The following DMTN variants were observed in gnomAD, a reference collection of about 807,000 sequenced individuals.
The protein encoded by DMTN is dematin actin binding protein.
DMTN carries 27 observed loss-of-function variants against 59.4 expected under a neutral mutation model. The observed-to-expected ratio is 0.45, with a 90% CI of 0.33 to 0.63. The LOEUF (loss-of-function observed/expected upper bound fraction) is 0.63, where lower values mean the gene tolerates loss of function less well. DMTN is among the 20% of genes least tolerant of loss of function. DMTN has a pLI of 0.02. For missense variants in DMTN, 451 were observed against 528.9 expected (o/e 0.85, Z 1.45); for synonymous variants, 221 against 203.7 (o/e 1.08, Z -0.72).
At chr8:22,068,105 G>A (rs1812272472) in intron 4 of DMTN, among the ~76,000 whole-genome samples, 1 of 152,214 alleles carries the variant, frequency 6.6e-6, no homozygotes, top group African/African-American at 2.4e-5. Context: ...GTGCAAGGCA[G>A]GTACTCATCA....
Position 22,063,986 on chromosome 8 carries a change from T to G in DMTN, c.-171-2719T>G, listed in dbSNP as rs112532677. ...TTGCAGAATAGGTGCTCAGAAAGTATTTGTTGAATGGATGAATAAAACAAT... is the reference window on the plus strand; with the variant it reads ...TTGCAGAATAGGTGCTCAGAAAGTAGTTGTTGAATGGATGAATAAAACAAT... On this transcript the variant is annotated intron_variant, in intron 1 of 15. Transcript: ENST00000358242. Among the ~76,000 whole-genome samples, 130 of 152,318 alleles carry G rather than the reference T, an allele frequency of 8.5e-4. 1 individual carries two copies. The highest frequency in any genetic ancestry group is 3.4e-3 in the Middle Eastern group (1 of 294).
intron 2 of DMTN, 88 bp from the exon 3 acceptor site, chr8:22,066,997 G>T (rs551654326): frequency 3.4e-4 from 442 of 1,292,082 alleles, no homozygotes; most frequent in Non-Finnish European, 3.1e-4. Context: ...GCCGCGCAGC[G>T]CCCCGGGTCC....
At chr8:22,049,356 A>T (rs1285750048), upstream of DMTN, 1 of 133,500 alleles carries the variant, frequency 7.5e-6, no homozygotes, top group Non-Finnish European at 1.6e-5. Flanking sequence ...TCTCAATTAG[A>T]GGCAGCGGCC....
chr8:22,053,546 G>C (rs1000221634), upstream of DMTN: 3 of 152,516 alleles, frequency 2.0e-5, no homozygotes, highest in African/African-American at 7.2e-5. Context: ...GGGGGCACTG[G>C]AGTGAGACAG....
upstream of DMTN, among the ~76,000 whole-genome samples, chr8:22,052,074 A>G (rs75026812): frequency 6.6e-6 from 1 of 152,124 alleles, no homozygotes; most frequent in Non-Finnish European, 1.5e-5. Flanking sequence ...ACACACACAC[A>G]CACCCAGACC....
chr8:22,072,268 A>C (rs929549629), intron 8 of DMTN, 58 bp from the exon 9 acceptor site: 9 of 1,547,732 alleles, frequency 5.8e-6, no homozygotes, highest in Non-Finnish European at 7.0e-6. Context: ...GTGCCATGTA[A>C]ACACACACTG....
upstream of DMTN, among the ~76,000 whole-genome samples, chr8:22,051,962 CA>C (rs1314545394): frequency 1.3e-5 from 2 of 152,246 alleles, no homozygotes; most frequent in Non-Finnish European, 2.9e-5. Flanking sequence ...CCTAGCCCCA[CA>C]ACTCCCCTTT....
At position 22,072,293 on chromosome 8, in the gene DMTN, G is replaced by T; in HGVS notation, c.605-33G>T. On this transcript the variant is annotated intron_variant, in intron 8 of 15. Transcript: ENST00000358242. ...AACACACACTGACCCCATGGCGAGT[G>T]ACTCCCTCCCCACCTTTGCTTGTGT... 1.9e-6 allele frequency: 3 copies of T among 1,579,206 alleles called. No homozygotes were observed. In the South Asian group the frequency reaches 3.5e-5, roughly 18 times the overall value.
intron 13 of DMTN, 32 bp from the exon 14 acceptor site, chr8:22,080,773 G>T (rs368238982): frequency 1.9e-6 from 3 of 1,603,604 alleles, no homozygotes; most frequent in South Asian, 2.2e-5. Flanking sequence ...TCCCTGCCCC[G>T]CTCTGGCTCA....
intron 10 of DMTN, among the ~76,000 whole-genome samples, chr8:22,076,199 A>C (rs1300696506): frequency 6.6e-6 from 1 of 152,086 alleles, no homozygotes; most frequent in African/African-American, 2.4e-5. Flanking sequence ...CTGTGGGTGG[A>C]AGGTGCATCT....
intron 1 of DMTN, among the ~76,000 whole-genome samples, chr8:22,059,828 G>A (rs943934202): frequency 1.3e-5 from 2 of 152,194 alleles, no homozygotes; most frequent in Admixed American, 1.3e-4. Flanking sequence ...GCCTGCGGAG[G>A]CTTCATTTCT....
intron 10 of DMTN, among the ~76,000 whole-genome samples, chr8:22,079,265 A>ATATATATAT (rs1822177121): frequency 5.1e-5 from 1 of 19,622 alleles, no homozygotes; most frequent in African/African-American, 1.2e-4. Context: ...AAAATAAATA[A>ATATATATAT]ATAAATAAAT....
chr8:22,067,044 A>G, intron 2 of DMTN, 41 bp from the exon 3 acceptor site: 1 of 1,390,842 alleles, frequency 7.2e-7, no homozygotes, highest in Non-Finnish European at 9.7e-7. Flanking sequence ...GCTCCCGCAC[A>G]CACGCACGTG....
intron 7 of DMTN, 50 bp from the exon 8 acceptor site, chr8:22,070,132 A>G (rs1814172488): frequency 7.1e-6 from 11 of 1,557,176 alleles, no homozygotes; most frequent in Non-Finnish European, 8.7e-6. Context: ...AAGGTAGCCA[A>G]GTTGGCCTCG....
chr8:22,069,834 C>A (rs1274442011), intron 6 of DMTN, 47 bp from the exon 7 acceptor site: 10 of 1,602,392 alleles, frequency 6.2e-6, no homozygotes, highest in Admixed American at 1.7e-5. Flanking sequence ...GCCCCAGCCT[C>A]CCTGCCATCA....
chr8:22,072,807 T>G (rs1816762064), intron 9 of DMTN, among the ~76,000 whole-genome samples: 1 of 152,142 alleles, frequency 6.6e-6, no homozygotes, highest in Non-Finnish European at 1.5e-5. Context: ...ACAGAAGTTC[T>G]GGCTCTGTAG....
intron 5 of DMTN, 125 bp downstream of exon 5, chr8:22,069,185 C>A (rs1813194688): frequency 1.7e-6 from 2 of 1,154,330 alleles, no homozygotes; most frequent in Admixed American, 2.5e-5. Flanking sequence ...GGCCCCCTGG[C>A]TGTCACTGGC....
At chr8:22,063,545 T>C (rs1808186215) in intron 1 of DMTN, among the ~76,000 whole-genome samples, 1 of 152,182 alleles carries the variant, frequency 6.6e-6, no homozygotes. Flanking sequence ...CCTCCATGAT[T>C]TGGCCTCAAC....
In DMTN at chr8:22,080,333, G is replaced by A. The variant is rs1039001758; in HGVS notation, c.901-79G>A. On this transcript the variant is annotated intron_variant, in intron 11 of 15. Transcript: ENST00000358242. ...ACTGAGCCACTTGGGCACCCTCAGGGAGCGGGGAGACCCCCAAAGTGAAGG... is the reference window on the plus strand; with the variant it reads ...ACTGAGCCACTTGGGCACCCTCAGGAAGCGGGGAGACCCCCAAAGTGAAGG... 3.4e-5 allele frequency: 55 copies of A among 1,613,056 alleles called. No homozygotes were observed. In the South Asian group the frequency reaches 5.1e-4, roughly 15 times the overall value.
Sources: gnomAD v4.1 joint callset for allele counts (sites outside exome capture counted in the v4.1 genomes callset) on GRCh38, gnomAD v4.1.1 for gene constraint, MANE v1.5 for transcripts, NCBI Gene and HGNC (gene_info 2026-07-23, HGNC 2026-07-21) for gene names.